NAV2: variants seen among roughly 807,000 people sequenced by gnomAD.
NAV2 encodes the protein helicase, APC down-regulated 1.
Under a neutral mutation model 223.2 loss-of-function variants are expected in NAV2, and 54 were observed. The observed-to-expected ratio is 0.24, with a 90% CI of 0.19 to 0.30. The LOEUF (loss-of-function observed/expected upper bound fraction) is 0.30. Ranked by LOEUF, NAV2 falls within the 10% of genes least tolerant of loss-of-function variation. The pLI is 1.00. For missense variants in NAV2, 2,806 were observed against 3,147.5 expected, an observed-to-expected ratio of 0.89 and a Z score of 2.60; for synonymous variants, 1,279 against 1,239.3, an observed-to-expected ratio of 1.03 and a Z score of -0.67.
At chr11:19,798,534 T>C (rs374817930) in intron 1 of NAV2, among the ~76,000 whole-genome samples, 10 of 152,118 alleles carry the variant, frequency 6.6e-5, no homozygotes, top group African/African-American at 2.4e-4. Flanking sequence ...ATGACACTTG[T>C]TGTTGGAAGG....
chr11:19,397,449 T>G lies in NAV2; in HGVS notation c.75+46422T>G, dbSNP rs544129989. Among the ~76,000 whole-genome samples the G allele has an allele frequency of 5.3e-5, 6 of 113,300 alleles. No individual in the cohort carries two copies. In the South Asian group the frequency reaches 1.4e-3, roughly 26 times the overall value. The allele number at this position is 113,300 out of a possible 152,430, so 74.3% of individuals were successfully genotyped here. ...CATGTGTGTGTAGGGAATACTGTTC[T>G]TGTGTCTGCCTCCTGAAAGGGGCTG... On this transcript the variant is annotated intron_variant, in intron 1 of 37. Coordinates refer to the NAV2 transcript ENST00000360655.
chr11:19,414,735 A>C (rs1028011201), intron 1 of NAV2, among the ~76,000 whole-genome samples: 1 of 152,226 alleles, frequency 6.6e-6, no homozygotes. Flanking sequence ...TGGAAATCAT[A>C]AAAGACAGTC....
intron 24 of NAV2, among the ~76,000 whole-genome samples, chr11:20,079,739 T>C (rs2059972093): frequency 6.6e-6 from 1 of 152,092 alleles, no homozygotes; most frequent in African/African-American, 2.4e-5. Context: ...GGGCTAGCAA[T>C]GAAGGTGCCA....
At chr11:19,702,792 A>AATG (rs2049545267) in intron 1 of NAV2, among the ~76,000 whole-genome samples, 1 of 63,386 alleles carries the variant, frequency 1.6e-5, no homozygotes. Context: ...TAATAATAAT[A>AATG]ATAATAATAA....
intron 1 of NAV2, among the ~76,000 whole-genome samples, chr11:19,377,778 C>T (rs759216341): frequency 5.3e-5 from 8 of 152,202 alleles, no homozygotes; most frequent in Non-Finnish European, 7.3e-5. Flanking sequence ...CCCAGGTCTC[C>T]TGCTTCCCAG....
intron 10 of NAV2, among the ~76,000 whole-genome samples, chr11:19,966,938 G>T (rs2048816522): frequency 6.6e-6 from 1 of 152,168 alleles, no homozygotes; most frequent in South Asian, 2.1e-4. Flanking sequence ...AGAGAGAAAG[G>T]GGGTGATAGT....
At chr11:19,638,617 C>T (rs2047570302) in intron 1 of NAV2, among the ~76,000 whole-genome samples, 1 of 152,184 alleles carries the variant, frequency 6.6e-6, no homozygotes, top group South Asian at 2.1e-4. Context: ...AAAGTATTTT[C>T]TATTATCATC....
chr11:20,084,031 T>C (rs1425851070), intron 26 of NAV2, among the ~76,000 whole-genome samples: 1 of 152,218 alleles, frequency 6.6e-6, no homozygotes, highest in East Asian at 1.9e-4. Context: ...CTTTGTAGTA[T>C]ACCAACTGCA....
chr11:19,717,867 C>G (rs1198058431), intron 1 of NAV2, among the ~76,000 whole-genome samples: 1 of 152,226 alleles, frequency 6.6e-6, no homozygotes, highest in Non-Finnish European at 1.5e-5. Flanking sequence ...TTTTATTATG[C>G]AGCAACTTTC....
chr11:19,476,327 C>T (rs184271558), intron 1 of NAV2, among the ~76,000 whole-genome samples: 5 of 152,280 alleles, frequency 3.3e-5, no homozygotes, highest in Admixed American at 1.3e-4. Flanking sequence ...AAACCCCCAA[C>T]ATTATTAAGA....
At chr11:19,511,256 C>T (rs1339406358) in intron 1 of NAV2, 2 of 152,198 alleles carry the variant, frequency 1.3e-5, no homozygotes. Context: ...GCCTTGTCAT[C>T]CCACAGGACA....
At chr11:19,680,229 C>G (rs549270867) in intron 1 of NAV2, among the ~76,000 whole-genome samples, 1 of 152,290 alleles carries the variant, frequency 6.6e-6, no homozygotes, top group South Asian at 2.1e-4. Context: ...CCCCACCCCC[C>G]TCTTTAGAGC....
At chr11:20,094,171 T>C (rs1459933153) in intron 29 of NAV2, among the ~76,000 whole-genome samples, 2 of 151,940 alleles carry the variant, frequency 1.3e-5, no homozygotes, top group East Asian at 3.9e-4. Context: ...AAAACATAGC[T>C]AGTAAAGTGA....
chr11:19,876,558 T>A (rs1162427083), intron 4 of NAV2, among the ~76,000 whole-genome samples: 1 of 152,150 alleles, frequency 6.6e-6, no homozygotes, highest in Non-Finnish European at 1.5e-5. Flanking sequence ...AATATATTTA[T>A]TGGAGGAGCA....
At chr11:20,019,036 A>C (rs1051166829) in intron 11 of NAV2, among the ~76,000 whole-genome samples, 5 of 152,174 alleles carry the variant, frequency 3.3e-5, no homozygotes, top group African/African-American at 1.2e-4. Flanking sequence ...CAAGGGAACA[A>C]ATTTGAATTT....
chr11:19,769,527 A>T (rs1239901406), intron 1 of NAV2, among the ~76,000 whole-genome samples: 1 of 152,068 alleles, frequency 6.6e-6, no homozygotes, highest in Non-Finnish European at 1.5e-5. Flanking sequence ...TGTGGACCAG[A>T]CCCAGAGTGC....
intron 1 of NAV2, among the ~76,000 whole-genome samples, chr11:19,782,133 T>C (rs2056797154): frequency 6.6e-6 from 1 of 152,214 alleles, no homozygotes; most frequent in Admixed American, 6.5e-5. Context: ...CATTTTCTAC[T>C]AATTCCCCAA....
chr11:19,870,645 GAA>G (rs1320553976), intron 4 of NAV2, among the ~76,000 whole-genome samples: 2 of 152,168 alleles, frequency 1.3e-5, no homozygotes, highest in African/African-American at 4.8e-5. Flanking sequence ...AGTATTTGTT[GAA>G]AGAACAAGTA....
intron 1 of NAV2, among the ~76,000 whole-genome samples, chr11:19,617,163 A>C (rs2046821847): frequency 6.6e-6 from 1 of 152,146 alleles, no homozygotes; most frequent in African/African-American, 2.4e-5. Context: ...TTCTAGGAAA[A>C]GGGCTATTTA....
Sources: gnomAD v4.1 joint callset for allele counts (sites outside exome capture counted in the v4.1 genomes callset) on GRCh38, gnomAD v4.1.1 for gene constraint, MANE v1.5 for transcripts, NCBI Gene and HGNC (gene_info 2026-07-23, HGNC 2026-07-21) for gene names.